Variants in RNF220 observed in about 807,000 individuals in gnomAD.
The protein encoded by RNF220 is E3 ubiquitin-protein ligase RNF220.
A neutral mutation model predicts 67.1 loss-of-function variants in RNF220; 7 were observed. The ratio of observed to expected loss-of-function variants is 0.10; its 90% confidence interval spans 0.06 to 0.20. The LOEUF is 0.20. Ranked by LOEUF, RNF220 falls within the 10% of genes least tolerant of loss-of-function variation. The pLI is 1.00. For synonymous variants in RNF220, 270 were observed against 283.2 expected (o/e 0.95, Z 0.47); for missense variants, 565 against 740.3 (o/e 0.76, Z 2.75).
intron 2 of RNF220, among the ~76,000 whole-genome samples, chr1:44,502,029 C>T (rs1351404638): frequency 2.8e-5 from 4 of 143,992 alleles, no homozygotes; most frequent in Non-Finnish European, 6.1e-5. Flanking sequence ...CCTGGCATTC[C>T]CCAGCTGACT....
chr1:44,513,576 G>A (rs1249037242), intron 2 of RNF220, among the ~76,000 whole-genome samples: 1 of 152,196 alleles, frequency 6.6e-6, no homozygotes, highest in African/African-American at 2.4e-5. Context: ...TTCCAGACGG[G>A]GGGAGAAGCG....
At chr1:44,636,301 C>A in intron 8 of RNF220, 139 bp downstream of exon 8, 1 of 1,114,264 alleles carries the variant, frequency 9.0e-7, no homozygotes, top group Non-Finnish European at 1.4e-6. Context: ...GCTGGTGGGG[C>A]TCCTTTGTGA....
Position 44,621,988 on chromosome 1 carries a change from T to C in RNF220, c.759-754T>C, listed in dbSNP as rs1198615363. Among the ~76,000 whole-genome samples, 2 of 152,174 alleles carry C rather than the reference T, an allele frequency of 1.3e-5. No individual in the cohort carries two copies. The highest frequency in any genetic ancestry group is 3.8e-4 in the East Asian group (2 of 5,198). On this transcript the variant is annotated intron_variant, in intron 3 of 14. Transcript: ENST00000361799. This position sits in a 1 kb window ranked among gnomAD's most constrained non-coding sequence, Gnocchi z 4.8. Reference sequence around the variant, plus strand: ...AGGCAGGGAGGGACAGGAACAGGGATATTAATGTTTCTGAAGTGGATCTGA... The same window carrying C: ...AGGCAGGGAGGGACAGGAACAGGGACATTAATGTTTCTGAAGTGGATCTGA...
At chr1:44,506,680 T>A (rs913688794) in intron 2 of RNF220, among the ~76,000 whole-genome samples, 3 of 152,266 alleles carry the variant, frequency 2.0e-5, no homozygotes, top group South Asian at 2.1e-4. Context: ...GCTTCTTCGA[T>A]GTTCAGAGAG....
chr1:44,643,073 G>T (rs1644533549), intron 8 of RNF220: 1 of 152,546 alleles, frequency 6.6e-6, no homozygotes, highest in African/African-American at 2.4e-5. Context: ...CTGCTGACCT[G>T]ACCTGCCTGC....
chr1:44,425,934 C>T (rs1182526926), intron 2 of RNF220, among the ~76,000 whole-genome samples: 1 of 152,122 alleles, frequency 6.6e-6, no homozygotes, highest in Admixed American at 6.5e-5. Context: ...TGAAGCTGAG[C>T]TACAGAAGAC....
chr1:44,505,367 C>T (rs1357017464), intron 2 of RNF220, among the ~76,000 whole-genome samples: 1 of 152,228 alleles, frequency 6.6e-6, no homozygotes, highest in Non-Finnish European at 1.5e-5. Context: ...TCCCTGATTT[C>T]TCCTGGCCAG....
chr1:44,548,185 A>T (rs1662329081), intron 2 of RNF220, among the ~76,000 whole-genome samples: 1 of 151,978 alleles, frequency 6.6e-6, no homozygotes, highest in Non-Finnish European at 1.5e-5. Flanking sequence ...CCTGCTACTG[A>T]CTTAGTTCAG....
Position 44,405,379 on chromosome 1 carries a change from T to TACTGCTGCTGCTGCTGCC in RNF220, c.-269_-268insACTGCTGCTGCTGCTGCC. 1 of 543,592 alleles carries TACTGCTGCTGCTGCTGCC rather than the reference T, an allele frequency of 1.8e-6. No individual in the cohort carries two copies. Among genetic ancestry groups the TACTGCTGCTGCTGCTGCC allele is most frequent in the Non-Finnish European group, 3.3e-6 (1 of 301,744 alleles). 33.7% of individuals were successfully genotyped at this position (543,592 alleles called of 1,614,324 possible). A position where few individuals can be genotyped will look rare whatever the true frequency, so the allele number is the denominator to read the frequency against. On this transcript the variant is annotated 5_prime_UTR_variant, in exon 1 of 15. Coordinates refer to ENST00000361799, the MANE Select transcript of RNF220 (RefSeq NM_018150.4). ...CACAAACCCGGGGCCAGCCGCCTACTGCTGCTGCTGCTGCTGCCGCTGCCG... is the reference window on the plus strand; with the variant it reads ...CACAAACCCGGGGCCAGCCGCCTACTACTGCTGCTGCTGCTGCCGCTGCTGCTGCTGCTGCCGCTGCCG...
intron 2 of RNF220, among the ~76,000 whole-genome samples, chr1:44,446,565 T>TC (rs1226386771): frequency 1.3e-5 from 2 of 151,636 alleles, no homozygotes; most frequent in East Asian, 3.9e-4. Flanking sequence ...GTAACCTTTT[T>TC]TTTTTTTTTT....
chr1:44,428,867 G>A (rs894763752), intron 2 of RNF220, among the ~76,000 whole-genome samples: 1 of 151,844 alleles, frequency 6.6e-6, no homozygotes, highest in Non-Finnish European at 1.5e-5. Context: ...AAGAAGTTGG[G>A]GTCGGGGAAA....
At chr1:44,408,062 C>T (rs1236031590) in intron 1 of RNF220, among the ~76,000 whole-genome samples, 1 of 152,234 alleles carries the variant, frequency 6.6e-6, no homozygotes, top group Non-Finnish European at 1.5e-5. Flanking sequence ...ACAAAGGCAA[C>T]CGAGAGCCGG....
chr1:44,545,060 G>A (rs1456499507), intron 2 of RNF220, among the ~76,000 whole-genome samples: 7 of 152,242 alleles, frequency 4.6e-5, no homozygotes, highest in Non-Finnish European at 8.8e-5. Context: ...CCCTTGAGGA[G>A]CTTACGCCGT....
At chr1:44,598,445 A>G (rs1037334926) in intron 2 of RNF220, among the ~76,000 whole-genome samples, 1 of 152,148 alleles carries the variant, frequency 6.6e-6, no homozygotes, top group Admixed American at 6.5e-5. Flanking sequence ...TAAACCTTCA[A>G]ATAAATCTCC....
intron 6 of RNF220, 177 bp from the exon 7 acceptor site, chr1:44,635,368 T>A: frequency 1.1e-6 from 1 of 943,972 alleles, no homozygotes; most frequent in Non-Finnish European, 1.5e-6. Flanking sequence ...CAGGTGCTCT[T>A]GGCAAAGCCC....
intron 2 of RNF220, among the ~76,000 whole-genome samples, chr1:44,454,399 T>C (rs1390593225): frequency 6.6e-6 from 1 of 152,188 alleles, no homozygotes; most frequent in Non-Finnish European, 1.5e-5. Context: ...TAGATTTTCA[T>C]TTCTTTAAGA....
rs1222021967 is a variant in RNF220, at chr1:44,624,192, G to A, written c.804+1405G>A. Among the ~76,000 whole-genome samples, 1 of 152,204 alleles carries A rather than the reference G, an allele frequency of 6.6e-6. No homozygotes were observed. Among genetic ancestry groups the A allele is most frequent in the Non-Finnish European group, 1.5e-5 (1 of 68,036 alleles). ...GCCAGGCAGCTGCAGACTCACAGAG[G>A]TAGCGAGCTACACTCACTGAGTGTG... On this transcript the variant is annotated intron_variant, in intron 4 of 14. Transcript: ENST00000361799. This position sits in a 1 kb window ranked among gnomAD's most constrained non-coding sequence, Gnocchi z 4.2.
At chr1:44,634,074 T>G (rs1644251966) in intron 6 of RNF220, among the ~76,000 whole-genome samples, 1 of 152,220 alleles carries the variant, frequency 6.6e-6, no homozygotes, top group African/African-American at 2.4e-5. Context: ...ATGGTAGCTT[T>G]CCTTTTGGTT....
chr1:44,419,817 C>T (rs1217617115), intron 2 of RNF220: 1 of 152,202 alleles, frequency 6.6e-6, no homozygotes, highest in African/African-American at 2.4e-5. Context: ...CAAATATAGA[C>T]TTATTTTATT....
Sources: gnomAD v4.1 joint callset for allele counts (sites outside exome capture counted in the v4.1 genomes callset) on GRCh38, gnomAD v4.1.1 for gene constraint, Gnocchi (gnomAD v3.1) non-coding constraint, MANE v1.5 for transcripts, NCBI Gene and HGNC (gene_info 2026-07-23, HGNC 2026-07-21) for gene names.